MAST3: variants seen among roughly 807,000 people sequenced by gnomAD.
The protein encoded by MAST3 is microtubule-associated serine/threonine-protein kinase 3.
Under a neutral mutation model 127.0 loss-of-function variants are expected in MAST3, and 43 were observed. The ratio of observed to expected loss-of-function variants is 0.34; its 90% CI spans 0.27 to 0.44. The LOEUF (loss-of-function observed/expected upper bound fraction) is 0.44. Among genes scored for constraint, MAST3 ranks in the 20% least tolerant of loss-of-function variants. The probability of loss-of-function intolerance (pLI) is 1.00; values close to 1 mark genes in which losing one functional copy is unlikely to be tolerated. For missense variants in MAST3, 1,390 were observed against 1,919.1 expected (o/e 0.72, Z 5.15); for synonymous variants, 785 against 809.2 (o/e 0.97, Z 0.51).
rs772139652 is a variant in MAST3, at chr19:18,144,751, T to C, written c.2812+58T>C. 6.4e-7 allele frequency: 1 copy of C among 1,572,922 alleles called. No homozygotes were observed. Reference sequence around the variant, plus strand: ...TCTGCACCCATTTTCACCAACAGGGTGGGGGCCCTTCCTGAGTTGGGGAGG... The same window carrying C: ...TCTGCACCCATTTTCACCAACAGGGCGGGGGCCCTTCCTGAGTTGGGGAGG... On this transcript the variant is annotated intron_variant, in intron 23 of 27. Transcript: ENST00000687212. This position sits in a 1 kb window ranked among gnomAD's most constrained non-coding sequence, Gnocchi z 4.0.
In MAST3 at chr19:18,142,027, G is replaced by A; in HGVS notation, c.2339+12G>A. On this transcript the variant is annotated intron_variant, in intron 21 of 27. Transcript: ENST00000687212. ...AGTGCTGACATCCGGTAAGTGGCCT[G>A]GGGAAGTGTAGGCAGATCCAGCTTC... is the stretch of plus-strand genomic sequence containing the variant. 2 of 1,456,724 alleles carry A rather than the reference G, an allele frequency of 1.4e-6. No individual in the cohort carries two copies. The highest frequency in any genetic ancestry group is 1.8e-6 in the Non-Finnish European group (2 of 1,089,378). The allele number at this position is 1,456,724 out of a possible 1,614,324, so 90.2% of individuals were successfully genotyped here. A position where few individuals can be genotyped will look rare whatever the true frequency, so the allele number is the denominator to read the frequency against.
chr19:18,100,147 A>T (rs2037468149), intron 1 of MAST3, among the ~76,000 whole-genome samples: 1 of 111,186 alleles, frequency 9.0e-6, no homozygotes, highest in South Asian at 2.5e-4. Context: ...TTTTTTGAGA[A>T]AGAATCATGC....
Position 18,130,667 on chromosome 19 carries a change from G to A in MAST3, c.1397G>A (p.Arg466Gln), listed in dbSNP as rs774070657. Residue 466 changes from arginine to glutamine, a missense_variant, in exon 14 of 28, where the codon CGG (arginine) becomes CAG (glutamine). By Grantham distance (43) the Arg-to-Gln change is conservative. This residue lies in a region of MAST3 where 191 missense variants were observed against 409.0 expected (regional missense o/e 0.47). Coordinates refer to ENST00000687212, the MANE Select transcript of MAST3 (RefSeq NM_001393504.1). ...VVSMFCSFET[R>Q]RHLCMVMEYV... The stretch of plus-strand genomic sequence containing the variant: ...AGCATGTTCTGCTCCTTTGAGACCC[G>A]GCGCCACCTATGTATGGTCATGGAA... 8.1e-6 allele frequency: 13 copies of A among 1,613,896 alleles called. No homozygotes were observed. The highest frequency in any genetic ancestry group is 1.7e-5 in the Admixed American group (1 of 59,960).
intron 14 of MAST3, among the ~76,000 whole-genome samples, chr19:18,131,061 T>C (rs2041221972): frequency 6.6e-6 from 1 of 152,190 alleles, no homozygotes; most frequent in South Asian, 2.1e-4. Context: ...AGAGCGAACA[T>C]GCACTTAGGA....
intron 3 of MAST3, chr19:18,118,128 C>A: frequency 4.1e-6 from 4 of 985,314 alleles, no homozygotes; most frequent in Middle Eastern, 5.2e-4. Context: ...CCTCCCTTCC[C>A]GGCCTCGGGC....
At chr19:18,142,395 AGGCTGGAGTGCAGT>A (rs1419712450) in intron 21 of MAST3, among the ~76,000 whole-genome samples, 16 of 137,404 alleles carry the variant, frequency 1.2e-4, no homozygotes, top group Non-Finnish European at 7.5e-5. Flanking sequence ...TCTGTCGCAC[AGGCTGGAGTGCAGT>A]GGCGCAATCT....
intron 2 of MAST3, 71 bp downstream of exon 2, chr19:18,107,689 C>A: frequency 1.4e-6 from 2 of 1,415,024 alleles, no homozygotes; most frequent in Admixed American, 2.0e-5. Context: ...CAGCAACAGC[C>A]ACTGAATTGT....
At chr19:18,124,468 G>A in intron 10 of MAST3, 102 bp downstream of exon 10, 1 of 1,359,202 alleles carries the variant, frequency 7.4e-7, no homozygotes, top group Non-Finnish European at 1.0e-6. Context: ...ATCGTGTAGG[G>A]CTTTGAGAGG....
At chr19:18,118,693 A>AC (rs948005143) in intron 3 of MAST3, among the ~76,000 whole-genome samples, 4 of 151,882 alleles carry the variant, frequency 2.6e-5, no homozygotes, top group African/African-American at 9.7e-5. Flanking sequence ...GTTGGGGTTA[A>AC]CCCCCGCCAA....
chr19:18,121,662 C>T, intron 3 of MAST3, 23 bp from the exon 4 acceptor site: 2 of 1,609,608 alleles, frequency 1.2e-6, no homozygotes, highest in African/African-American at 2.7e-5. Context: ...AGCCACCTAC[C>T]CTGTCCCCTT....
chr19:18,132,085 CG>C, intron 15 of MAST3, 38 bp downstream of exon 15: 1 of 1,610,220 alleles, frequency 6.2e-7, no homozygotes, highest in Non-Finnish European at 8.5e-7. Flanking sequence ...TCGCGGAGGG[CG>C]GGGCCAGAGA....
At chr19:18,103,939 C>G (rs2037852862) in intron 1 of MAST3, among the ~76,000 whole-genome samples, 1 of 152,054 alleles carries the variant, frequency 6.6e-6, no homozygotes, top group Admixed American at 6.6e-5. Context: ...TGGCTGGGTG[C>G]AGTGGCTCAT....
At chr19:18,106,104 T>C (rs1393745732) in intron 1 of MAST3, among the ~76,000 whole-genome samples, 1 of 152,162 alleles carries the variant, frequency 6.6e-6, no homozygotes, top group Non-Finnish European at 1.5e-5. Flanking sequence ...TAATTTTTTT[T>C]AGACTTAGAG....
chr19:18,121,675 C>A lies in MAST3; in HGVS notation c.162-10C>A. The A allele has an allele frequency of 1.2e-6, 2 of 1,611,818 alleles. No homozygotes were observed. Among genetic ancestry groups the A allele is most frequent in the Non-Finnish European group, 1.7e-6 (2 of 1,178,576 alleles). ...GCAGCCACCTACCCTGTCCCCTTTT[C>A]CCCCCACAGCTGCCGCAGCGGGAAC... On this transcript the variant is annotated splice_polypyrimidine_tract_variant and intron_variant, in intron 3 of 27. Coordinates refer to ENST00000687212, the MANE Select transcript of MAST3 (RefSeq NM_001393504.1).
chr19:18,106,871 G>A (rs1014797882), intron 1 of MAST3, among the ~76,000 whole-genome samples: 4 of 151,386 alleles, frequency 2.6e-5, no homozygotes, highest in African/African-American at 7.3e-5. Context: ...GCGCCTGACC[G>A]GCCCGGCCTT....
At chr19:18,146,402 G>A (rs562601433) in intron 25 of MAST3, among the ~76,000 whole-genome samples, 1 of 152,278 alleles carries the variant, frequency 6.6e-6, no homozygotes, top group African/African-American at 2.4e-5. Context: ...CTGTGATCGT[G>A]CCATACTGCA....
At chr19:18,099,141 T>G in intron 1 of MAST3, among the ~76,000 whole-genome samples, 2 of 150,356 alleles carry the variant, frequency 1.3e-5, no homozygotes, top group African/African-American at 2.5e-5. Flanking sequence ...GGCCGGCGGG[T>G]CTCCAACCTG....
intron 15 of MAST3, among the ~76,000 whole-genome samples, chr19:18,133,577 C>T (rs1393317096): frequency 2.9e-5 from 2 of 68,446 alleles, no homozygotes; most frequent in Non-Finnish European, 5.3e-5. Context: ...TTTTTTGAGA[C>T]GGGGTCTCAC....
Position 18,146,177 on chromosome 19 carries a change from G to A in MAST3, c.3162+312G>A, listed in dbSNP as rs910434624. On this transcript the variant is annotated intron_variant, in intron 25 of 27. Transcript: ENST00000687212. ...GGAAGGGCCGGGCGCGGTGGCACAC[G>A]CCTGTAATCCCAGCACTTTGGGAGG... 5.3e-5 allele frequency among the ~76,000 whole-genome samples: 8 copies of A among 152,282 alleles called. No individual in the cohort carries two copies. In the South Asian group the frequency reaches 8.3e-4, roughly 16 times the overall value.
Sources: gnomAD v4.1 joint callset for allele counts (sites outside exome capture counted in the v4.1 genomes callset) on GRCh38, gnomAD v4.1.1 for gene constraint, gnomAD v4.1.1 regional missense constraint, Gnocchi (gnomAD v3.1) non-coding constraint, MANE v1.5 for transcripts, NCBI Gene and HGNC (gene_info 2026-07-23, HGNC 2026-07-21) for gene names.